The following PWWP3A variants were observed in gnomAD, a reference collection of about 807,000 sequenced individuals.
PWWP3A encodes the protein PWWP domain-containing DNA repair factor 3A.
Under a neutral mutation model 79.0 loss-of-function variants are expected in PWWP3A, and 53 were observed. That is an observed-to-expected ratio of 0.67 (90% confidence interval 0.54 to 0.84). The LOEUF is 0.84. Among genes scored for constraint, PWWP3A ranks in the 40% least tolerant of loss-of-function variants. The pLI is 0.00. For missense variants in PWWP3A, 973 were observed against 948.0 expected, an observed-to-expected ratio of 1.03 and a Z score of -0.35; for synonymous variants, 443 against 394.4, an observed-to-expected ratio of 1.12 and a Z score of -1.46.
chr19:1,369,471 G>T lies in PWWP3A; in HGVS notation c.1499-125G>T. The stretch of plus-strand genomic sequence containing the variant: ...CGTGGGCCTGGGGCATTCCCTGTGG[G>T]TGGGCTGGGGTTCTGGCCTGGCCTG... On this transcript the variant is annotated intron_variant, in intron 10 of 13. Transcript: ENST00000591337. This position sits in a 1 kb window ranked among gnomAD's most constrained non-coding sequence, Gnocchi z 4.0. 3 of 1,480,706 alleles carry T rather than the reference G, an allele frequency of 2.0e-6. No individual in the cohort carries two copies. The highest frequency in any genetic ancestry group is 2.8e-6 in the Non-Finnish European group (3 of 1,061,694). The allele number at this position is 1,480,706 out of a possible 1,614,324, so 91.7% of individuals were successfully genotyped here. A position where few individuals can be genotyped will look rare whatever the true frequency, so the allele number is the denominator to read the frequency against.
chr19:1,372,950 G>A, intron 12 of PWWP3A, 122 bp from the exon 13 acceptor site: 1 of 721,986 alleles, frequency 1.4e-6, no homozygotes, highest in East Asian at 2.6e-5. Flanking sequence ...TGAACCATGA[G>A]CTAGACCATG....
rs2082179607 is a variant in PWWP3A at position 1,368,653 on chromosome 19, G to A, written c.1423-612G>A. On this transcript the variant is annotated intron_variant, in intron 9 of 13. Coordinates refer to ENST00000591337, the MANE Select transcript of PWWP3A (RefSeq NM_001369789.1). This position sits in a 1 kb window ranked among gnomAD's most constrained non-coding sequence, Gnocchi z 4.7. The stretch of plus-strand genomic sequence containing the variant: ...TGGGACGGCTGTGTCCTTTTCTGGG[G>A]ACCCACCCTGCTGCCAGCCCAGGTG... 6.6e-6 allele frequency among the ~76,000 whole-genome samples: 1 copy of A among 152,190 alleles called. No individual in the cohort carries two copies. The highest frequency in any genetic ancestry group is 6.5e-5 in the Admixed American group (1 of 15,284).
chr19:1,375,538 T>TATATAAAATATATAATATATAAAA lies in PWWP3A; in HGVS notation c.2076-981_2076-980insATATAAAATATATAATATATAAAA, dbSNP rs1355785315. On this transcript the variant is annotated intron_variant, in intron 13 of 13. Coordinates refer to ENST00000591337, the MANE Select transcript of PWWP3A (RefSeq NM_001369789.1). ...TATAAAATCATATAATTTATATATT[T>TATATAAAATATATAATATATAAAA]TATATATAAAATATATATTATATAT... Among the ~76,000 whole-genome samples, 11 of 6,426 alleles carry TATATAAAATATATAATATATAAAA rather than the reference T, an allele frequency of 1.7e-3. 1 individual carries two copies. Among genetic ancestry groups the TATATAAAATATATAATATATAAAA allele is most frequent in the African/African-American group, 4.8e-3 (11 of 2,302 alleles). 4.2% of individuals were successfully genotyped at this position (6,426 alleles called of 152,430 possible).
At position 1,360,340 on chromosome 19, in the gene PWWP3A, G is replaced by T. The variant is rs745380906; in HGVS notation, c.419G>T (p.Arg140Leu). The change falls in exon 5 of 14, where the codon CGC becomes CTC. Residue 140 changes from arginine to leucine, a missense_variant. By Grantham distance (102) the Arg-to-Leu change is moderately radical. Transcript: ENST00000591337. The surrounding 1 kb of genome is among the most constrained non-coding windows in gnomAD (Gnocchi z 4.4). ...GATTCGAACTCCTCATCTCTTCCCC[G>T]CGGAGACGTGTTGGGCAGTTCCAGA... ...PCDSNSSSLP[R>L]GDVLGSSRPH... The T allele has an allele frequency of 3.1e-6, 5 of 1,613,964 alleles. No individual in the cohort carries two copies. Among genetic ancestry groups the T allele is most frequent in the Admixed American group, 1.7e-5 (1 of 60,004 alleles).
At position 1,369,236 on chromosome 19, in the gene PWWP3A, T is replaced by C; in HGVS notation, c.1423-29T>C. The C allele has an allele frequency of 6.2e-7, 1 of 1,612,400 alleles. No homozygotes were observed. Among genetic ancestry groups the C allele is most frequent in the South Asian group, 1.1e-5 (1 of 90,916 alleles). Reference sequence around the variant, plus strand: ...CAGGGTGCTTGGCACTGCCTCCCACTGACGCCTGCTGCCCGGATCTCATTG... The same window carrying C: ...CAGGGTGCTTGGCACTGCCTCCCACCGACGCCTGCTGCCCGGATCTCATTG... On this transcript the variant is annotated intron_variant, in intron 9 of 13. Coordinates refer to ENST00000591337, the MANE Select transcript of PWWP3A (RefSeq NM_001369789.1). This position sits in a 1 kb window ranked among gnomAD's most constrained non-coding sequence, Gnocchi z 4.0.
chr19:1,366,366 A>G lies in PWWP3A; in HGVS notation c.1346A>G (p.Asn449Ser), dbSNP rs774980832. 11 of 1,614,088 alleles carry G rather than the reference A, an allele frequency of 6.8e-6. No homozygotes were observed. Among genetic ancestry groups the G allele is most frequent in the Non-Finnish European group, 8.5e-6 (10 of 1,180,016 alleles). ...GTGCTATACATCGAAGGACACATGA[A>G]CCCGAAAATGAAAGGGTAACCCGCT... ...ASVLYIEGHMNPKMKGFTVSL... is the reference protein window; with the variant it reads ...ASVLYIEGHMSPKMKGFTVSL... The change falls in exon 8 of 14, where the codon AAC becomes AGC. Residue 449 changes from asparagine to serine, a missense_variant. Asn to Ser is a conservative substitution (Grantham distance 46). Transcript: ENST00000591337.
chr19:1,366,430 G>T (rs372716201), intron 8 of PWWP3A, 49 bp downstream of exon 8: 17 of 1,538,704 alleles, frequency 1.1e-5, no homozygotes, highest in Non-Finnish European at 1.5e-5. Flanking sequence ...GGGCCAGGCC[G>T]GCCGCTCTCA....
Position 1,376,301 on chromosome 19 carries a change from TTTTTTGTTTG to T in PWWP3A, c.2076-212_2076-203del, listed in dbSNP as rs1348040405. On this transcript the variant is annotated intron_variant, in intron 13 of 13. Coordinates refer to ENST00000591337, the MANE Select transcript of PWWP3A (RefSeq NM_001369789.1). Reference sequence around the variant, plus strand: ...CCACCACGCCCGGCTGTTTGTTTTTTTTTTTGTTTGTTTTTTTTTTTTTTTGGTATTTTTT... The same window carrying T: ...CCACCACGCCCGGCTGTTTGTTTTTTTTTTTTTTTTTTTTTGGTATTTTTT... Among the ~76,000 whole-genome samples, 32 of 105,206 alleles carry T rather than the reference TTTTTTGTTTG, an allele frequency of 3.0e-4. 3 individuals carry two copies. The highest frequency in any genetic ancestry group is 6.6e-4 in the East Asian group (3 of 4,520). The allele number at this position is 105,206 out of a possible 152,430, so 69.0% of individuals were successfully genotyped here.
In PWWP3A at chr19:1,366,378, A is replaced by C. The variant is rs1253711621; in HGVS notation, c.1358A>C (p.Lys453Thr). The C allele has an allele frequency of 6.2e-7, 1 of 1,614,094 alleles. No homozygotes were observed. The highest frequency in any genetic ancestry group is 8.5e-7 in the Non-Finnish European group (1 of 1,179,904). The change falls in exon 8 of 14, where the codon AAA becomes ACA. Residue 453 changes from lysine to threonine, a missense_variant. Transcript: ENST00000591337. ...GAAGGACACATGAACCCGAAAATGA[A>C]AGGGTAACCCGCTGTTCTTGGTTTC... Reference protein sequence around the residue: ...YIEGHMNPKMKGFTVSLKSLK... With the variant: ...YIEGHMNPKMTGFTVSLKSLK...
At position 1,369,402 on chromosome 19, in the gene PWWP3A, T is replaced by C. The variant is rs1737727720; in HGVS notation, c.1498+62T>C. 11 of 1,580,348 alleles carry C rather than the reference T, an allele frequency of 7.0e-6. No individual in the cohort carries two copies. The South Asian group carries it at 1.2e-4, about 18-fold the overall frequency. Reference sequence around the variant, plus strand: ...CAGGCGTCCAGCCTCTGAAGACCCCTTGGACGGGCTGGGCCGGAGCTGCCT... The same window carrying C: ...CAGGCGTCCAGCCTCTGAAGACCCCCTGGACGGGCTGGGCCGGAGCTGCCT... On this transcript the variant is annotated intron_variant, in intron 10 of 13. Coordinates refer to ENST00000591337, the MANE Select transcript of PWWP3A (RefSeq NM_001369789.1). The surrounding 1 kb of genome is among the most constrained non-coding windows in gnomAD (Gnocchi z 4.0).
At chr19:1,361,057 G>C in intron 5 of PWWP3A, 25 bp downstream of exon 5, 1 of 1,422,020 alleles carries the variant, frequency 7.0e-7, no homozygotes, top group Non-Finnish European at 9.2e-7. Flanking sequence ...TGGAGGAGGA[G>C]AGCGCAGAGG....
At chr19:1,371,186 TCGG>T (rs1444233274) in intron 12 of PWWP3A, 108 bp downstream of exon 12, 1 of 1,333,722 alleles carries the variant, frequency 7.5e-7, no homozygotes, top group Non-Finnish European at 1.0e-6. Context: ...CCCTGGCCGT[TCGG>T]CGGCCAACGG....
rs1373108858 is a variant in PWWP3A at position 1,368,988 on chromosome 19, C to T, written c.1423-277C>T. On this transcript the variant is annotated intron_variant, in intron 9 of 13. Coordinates refer to ENST00000591337, the MANE Select transcript of PWWP3A (RefSeq NM_001369789.1). The surrounding 1 kb of genome is among the most constrained non-coding windows in gnomAD (Gnocchi z 4.7). The stretch of plus-strand genomic sequence containing the variant: ...AGCCCAAGCCATCGGGTCCCCGGTG[C>T]CCACCTGCGTTCAGATCAGCCCAAG... The T allele has an allele frequency of 5.4e-6, 2 of 369,884 alleles. No homozygotes were observed. The highest frequency in any genetic ancestry group is 8.2e-5 in the Admixed American group (2 of 24,524). The allele number at this position is 369,884 out of a possible 1,614,324, so 22.9% of individuals were successfully genotyped here.
chr19:1,365,037 G>A (rs1357155309), intron 7 of PWWP3A, among the ~76,000 whole-genome samples: 2 of 152,172 alleles, frequency 1.3e-5, no homozygotes, highest in Non-Finnish European at 2.9e-5. Context: ...GGAGAATGGC[G>A]TGAACCCGAG....
At chr19:1,363,292 C>G (rs2082060207) in intron 6 of PWWP3A, among the ~76,000 whole-genome samples, 1 of 151,910 alleles carries the variant, frequency 6.6e-6, no homozygotes. Context: ...CTTTTTTTTG[C>G]CTAATGCTAA....
At position 1,376,631 on chromosome 19, in the gene PWWP3A, T is replaced by G; in HGVS notation, c.*55T>G. On this transcript the variant is annotated 3_prime_UTR_variant, in exon 14 of 14. Transcript: ENST00000591337. ...CCTGGCGGTGGAAGCGCCTCCAGTG[T>G]GCATGAGCGTGTCTGAAGATGGGGG... 6.3e-7 allele frequency: 1 copy of G among 1,575,534 alleles called. No homozygotes were observed. The highest frequency in any genetic ancestry group is 8.7e-7 in the Non-Finnish European group (1 of 1,149,506).
At chr19:1,358,566 A>G (rs753466138) in intron 4 of PWWP3A, 102 bp downstream of exon 4, 2 of 1,601,908 alleles carry the variant, frequency 1.2e-6, no homozygotes, top group East Asian at 2.2e-5. Context: ...CACCCTGTTC[A>G]CCATGTTTTT....
chr19:1,356,599 G>T, intron 2 of PWWP3A, 150 bp downstream of exon 2: 1 of 695,050 alleles, frequency 1.4e-6, no homozygotes. Context: ...ATTTAATGGG[G>T]TTTTGGTCTA....
At chr19:1,358,696 C>T (rs913168174) in intron 4 of PWWP3A, 12 of 1,516,070 alleles carry the variant, frequency 7.9e-6, no homozygotes, top group Middle Eastern at 1.7e-4. Flanking sequence ...CCAGAATGGT[C>T]AGTGGTGAGC....
Sources: allele counts gnomAD v4.1 joint callset (sites outside exome capture counted in the v4.1 genomes callset), GRCh38; gene constraint gnomAD v4.1.1; non-coding constraint Gnocchi (gnomAD v3.1); transcripts MANE v1.5; gene names NCBI Gene and HGNC (gene_info 2026-07-23, HGNC 2026-07-21).